Variants in PCDHA10 observed in about 807,000 individuals in gnomAD.
PCDHA10 encodes the protein protocadherin alpha-10.
PCDHA10 carries 45 observed loss-of-function variants against 61.2 expected under a neutral mutation model. The observed-to-expected ratio is 0.74, with a 90% CI of 0.58 to 0.94. The LOEUF (loss-of-function observed/expected upper bound fraction) is 0.94, where lower values mean the gene tolerates loss of function less well. Among genes scored for constraint, PCDHA10 ranks in the 40% least tolerant of loss-of-function variants. PCDHA10 has a pLI of 0.00. For missense variants in PCDHA10, 1,278 were observed against 1,236.2 expected (o/e 1.03, Z -0.51); for synonymous variants, 602 against 548.8 (o/e 1.10, Z -1.35).
At chr5:140,985,999 A>G (rs932659753) in intron 3 of PCDHA10, among the ~76,000 whole-genome samples, 10 of 152,104 alleles carry the variant, frequency 6.6e-5, no homozygotes, top group Non-Finnish European at 1.5e-4. Flanking sequence ...TCAGCCTCCC[A>G]AAGTGCTGGG....
At position 140,862,994 on chromosome 5, in the gene PCDHA10, G is replaced by A. The variant is rs199654880; in HGVS notation, c.2388+4558G>A. 324 of 549,002 alleles carry A rather than the reference G, an allele frequency of 5.9e-4. 3 individuals are homozygous for A. The highest frequency in any genetic ancestry group is 1.3e-3 in the South Asian group (92 of 72,564). 34.0% of individuals were successfully genotyped at this position (549,002 alleles called of 1,614,324 possible). On this transcript the variant is annotated intron_variant, in intron 1 of 3. Coordinates refer to ENST00000307360, the MANE Select transcript of PCDHA10 (RefSeq NM_018901.4). ...CCACTTGGTGGCGAAGGTGCGCACGGTGGACTCCAGCTATGACGCCTGGTT... is the reference window on the plus strand; with the variant it reads ...CCACTTGGTGGCGAAGGTGCGCACGATGGACTCCAGCTATGACGCCTGGTT...
intron 1 of PCDHA10, among the ~76,000 whole-genome samples, chr5:140,947,834 A>G (rs2094182215): frequency 6.6e-6 from 1 of 151,584 alleles, no homozygotes; most frequent in Non-Finnish European, 1.5e-5. Flanking sequence ...CAATATTAAT[A>G]TTTGTTTATT....
intron 1 of PCDHA10, chr5:140,869,034 T>C (rs1441426453): frequency 5.2e-6 from 8 of 1,527,468 alleles, no homozygotes. Flanking sequence ...ACGAGATTTT[T>C]AACCTGAAAC....
chr5:140,870,891 G>A, intron 1 of PCDHA10: 2 of 1,613,964 alleles, frequency 1.2e-6, no homozygotes, highest in Non-Finnish European at 1.7e-6. Flanking sequence ...TGCGCGCAGT[G>A]GATGCGGACT....
chr5:140,982,633 A>G (rs2096992474), intron 3 of PCDHA10, 70 bp downstream of exon 3: 1 of 1,557,590 alleles, frequency 6.4e-7, no homozygotes, highest in Non-Finnish European at 8.7e-7. Flanking sequence ...CTTTTGTAAG[A>G]TCAGGAATGT....
intron 1 of PCDHA10, chr5:140,968,789 G>T (rs782339889): frequency 1.9e-6 from 3 of 1,614,180 alleles, no homozygotes; most frequent in South Asian, 1.1e-5. Flanking sequence ...AGCCTCTGTG[G>T]CCATTACAGT....
chr5:140,969,166 C>T lies in PCDHA10; in HGVS notation c.2389-9783C>T, dbSNP rs1554231524. ...GCTACAAGGCCTGTCTGACAGCAGG[C>T]TCAGGGAGTGACACTTTCATGTTTT... On this transcript the variant is annotated intron_variant, in intron 1 of 3. Transcript: ENST00000307360. 2.5e-6 allele frequency: 4 copies of T among 1,614,092 alleles called. No homozygotes were observed. In the South Asian group the frequency reaches 4.4e-5, roughly 18 times the overall value.
Position 140,982,515 on chromosome 5 carries a change from C to A in PCDHA10, c.2488C>A (p.Pro830Thr), listed in dbSNP as rs1278779763. ...LEEAGILRAG[P>T]GGPDQQWPTV... ...GGAGGCTGGCATTCTACGGGCTGGT[C>A]CAGGAGGGCCTGATCAGCAGTGGCC... Residue 830 changes from proline (P) to threonine (T), a missense_variant, in exon 3 of 4, where the codon CCA becomes ACA. Pro to Thr is a conservative substitution (Grantham distance 38, BLOSUM62 -1). Transcript: ENST00000307360. 3 of 1,614,058 alleles carry A rather than the reference C, an allele frequency of 1.9e-6. No individual in the cohort carries two copies. Among genetic ancestry groups the A allele is most frequent in the Middle Eastern group, 1.6e-4 (1 of 6,080 alleles).
intron 1 of PCDHA10, chr5:140,862,550 G>C: frequency 2.2e-6 from 1 of 458,462 alleles, no homozygotes. Flanking sequence ...GGAAGTGGCC[G>C]AACAGTGAAC....
Position 140,855,960 on chromosome 5 carries a change from T to A in PCDHA10, c.-89T>A, listed in dbSNP as rs933070909. 4.3e-6 allele frequency: 6 copies of A among 1,398,506 alleles called. No individual in the cohort carries two copies. The highest frequency in any genetic ancestry group is 2.3e-5 in the East Asian group (1 of 43,710). 86.6% of individuals were successfully genotyped at this position (1,398,506 alleles called of 1,614,324 possible). A position where few individuals can be genotyped will look rare whatever the true frequency, so the allele number is the denominator to read the frequency against. On this transcript the variant is annotated 5_prime_UTR_variant, in exon 1 of 4. Coordinates refer to ENST00000307360, the MANE Select transcript of PCDHA10 (RefSeq NM_018901.4). Reference sequence around the variant, plus strand: ...AGATCTCAGCCATTTCGATAAAAAATAGATATAAGAAATAGGACAGAAAAT... The same window carrying A: ...AGATCTCAGCCATTTCGATAAAAAAAAGATATAAGAAATAGGACAGAAAAT...
intron 1 of PCDHA10, among the ~76,000 whole-genome samples, chr5:140,910,040 G>C (rs552041915): frequency 1.3e-5 from 2 of 152,276 alleles, no homozygotes; most frequent in South Asian, 4.2e-4. Context: ...AATCCCACTT[G>C]GTCATAATAA....
chr5:140,996,262 C>G (rs943119390), intron 3 of PCDHA10, among the ~76,000 whole-genome samples: 1 of 152,182 alleles, frequency 6.6e-6, no homozygotes. Flanking sequence ...CAACACAGAG[C>G]CTGGGATTGC....
At chr5:141,007,095 G>A (rs1405401392) in intron 3 of PCDHA10, among the ~76,000 whole-genome samples, 2 of 152,208 alleles carry the variant, frequency 1.3e-5, no homozygotes, top group East Asian at 1.9e-4. Context: ...AGAGAGTCTA[G>A]GGCCAAACCC....
At chr5:140,900,776 G>A (rs1407126944) in intron 1 of PCDHA10, among the ~76,000 whole-genome samples, 1 of 152,172 alleles carries the variant, frequency 6.6e-6, no homozygotes, top group Non-Finnish European at 1.5e-5. Flanking sequence ...GCTTTTTGAG[G>A]AAACTCCAAA....
At chr5:140,871,456 G>A (rs782153529) in intron 1 of PCDHA10, 2 of 1,607,284 alleles carry the variant, frequency 1.2e-6, no homozygotes, top group East Asian at 4.5e-5. Context: ...AGAGGAGGAA[G>A]GGGAAAGACA....
intron 1 of PCDHA10, chr5:140,869,509 A>C (rs199564677): frequency 6.2e-7 from 1 of 1,614,206 alleles, no homozygotes; most frequent in Non-Finnish European, 8.5e-7. Flanking sequence ...GTTCTCGCTC[A>C]GAGAACAAAA....
At chr5:140,898,970 C>T (rs2067071539) in intron 1 of PCDHA10, among the ~76,000 whole-genome samples, 2 of 152,006 alleles carry the variant, frequency 1.3e-5, no homozygotes, top group South Asian at 4.2e-4. Context: ...TGGGAGTTCA[C>T]TCATGATTTG....
chr5:140,976,383 T>G (rs963492291), intron 1 of PCDHA10, among the ~76,000 whole-genome samples: 4 of 152,058 alleles, frequency 2.6e-5, no homozygotes, highest in African/African-American at 9.7e-5. Context: ...AAACCCCATC[T>G]CTACTAAAAA....
At chr5:140,931,875 T>C (rs1457456146) in intron 1 of PCDHA10, among the ~76,000 whole-genome samples, 3 of 151,982 alleles carry the variant, frequency 2.0e-5, no homozygotes, top group African/African-American at 7.2e-5. Flanking sequence ...AAAATATTTA[T>C]TGCTTTCATT....
Sources: allele counts gnomAD v4.1 joint callset (sites outside exome capture counted in the v4.1 genomes callset), GRCh38; gene constraint gnomAD v4.1.1; transcripts MANE v1.5; gene names NCBI Gene and HGNC (gene_info 2026-07-23, HGNC 2026-07-21).